Variants in CDH11 observed in about 807,000 individuals in gnomAD.
The protein encoded by CDH11 is cadherin-11.
In CDH11, 11 loss-of-function variants were observed where a neutral mutation model predicts 67.8. That is an observed-to-expected ratio of 0.16 (90% CI 0.10 to 0.27). The LOEUF is 0.27. CDH11 is among the 10% of genes least tolerant of loss of function. The pLI is 1.00. For missense variants in CDH11, 847 were observed against 1,031.2 expected, an observed-to-expected ratio of 0.82 and a Z score of 2.45; for synonymous variants, 419 against 400.0, an observed-to-expected ratio of 1.05 and a Z score of -0.57.
At chr16:65,120,395 A>G (rs887394072) in intron 1 of CDH11, among the ~76,000 whole-genome samples, 2 of 152,194 alleles carry the variant, frequency 1.3e-5, no homozygotes, top group Non-Finnish European at 2.9e-5. Flanking sequence ...TCCGTCCTCT[A>G]GCCAGATTAA....
At chr16:65,030,504 G>A (rs1252015714) in intron 2 of CDH11, among the ~76,000 whole-genome samples, 3 of 152,136 alleles carry the variant, frequency 2.0e-5, no homozygotes, top group Non-Finnish European at 4.4e-5. Context: ...GTGCCCATGC[G>A]TAGTCCTCAC....
chr16:64,977,082 C>G lies in CDH11; in HGVS notation c.1254-4042G>C, dbSNP rs987210688. ...GGCACAGTGGCATGCACCTGCAGTC[C>G]CAGTTACTTGGGAGGCTGATGTGGG... is the stretch of plus-strand genomic sequence containing the variant. On this transcript the variant is annotated intron_variant, in intron 8 of 12. Coordinates refer to ENST00000268603, the MANE Select transcript of CDH11 (RefSeq NM_001797.4). Among the ~76,000 whole-genome samples, 34 of 151,964 alleles carry G rather than the reference C, an allele frequency of 2.2e-4. 1 individual carries two copies. Among genetic ancestry groups the G allele is most frequent in the African/African-American group, 8.0e-4 (33 of 41,352 alleles).
chr16:65,033,663 G>A (rs1477673032), intron 2 of CDH11, among the ~76,000 whole-genome samples: 5 of 149,884 alleles, frequency 3.3e-5, no homozygotes, highest in Admixed American at 3.3e-4. Context: ...CTTGAAACCG[G>A]GAGGTGGAGG....
At position 64,945,769 on chromosome 16, in the gene CDH11, A is replaced by G. The variant is rs1343414729; in HGVS notation, c.*1834T>C. The G allele has an allele frequency of 8.6e-6, 9 of 1,043,476 alleles. No individual in the cohort carries two copies. Among genetic ancestry groups the G allele is most frequent in the Non-Finnish European group, 1.0e-5 (9 of 865,420 alleles). 64.6% of individuals were successfully genotyped at this position (1,043,476 alleles called of 1,614,324 possible). On this transcript the variant is annotated 3_prime_UTR_variant, in exon 13 of 13. Transcript: ENST00000268603. ...TCATAAAAAACATTTCTTTGTATGC[A>G]TGTTGACTAAATCATAAAAATAGTA...
intron 1 of CDH11, among the ~76,000 whole-genome samples, chr16:65,115,962 G>GA (rs959808999): frequency 1.3e-5 from 2 of 151,950 alleles, no homozygotes; most frequent in Admixed American, 6.6e-5. Flanking sequence ...GATTAGTGGG[G>GA]AAAAAATCTA....
In CDH11 at chr16:64,950,833, T is replaced by C; in HGVS notation, c.1828A>G (p.Ile610Val). 1 of 1,614,170 alleles carries C rather than the reference T, an allele frequency of 6.2e-7. No individual in the cohort carries two copies. Among genetic ancestry groups the C allele is most frequent in the Non-Finnish European group, 8.5e-7 (1 of 1,180,024 alleles). Residue 610 changes from isoleucine to valine, a missense_variant, in exon 12 of 13, where the codon ATT becomes GTT. Ile to Val is a conservative substitution (Grantham distance 29). Around this residue, in one of 2 missense-constraint regions of CDH11, gnomAD observed 612 missense variants for 678.7 expected, o/e 0.90. Coordinates refer to ENST00000268603, the MANE Select transcript of CDH11 (RefSeq NM_001797.4). ...CCTGTGCTCAGGCCGGCGTTCAGAA[T>C]GTAGGCCTCTGCGTTGCAGGAGAGC... is the stretch of plus-strand genomic sequence containing the variant. ...ALLSCNAEAY[I>V]LNAGLSTGAL... is the part of the protein sequence containing the mutation.
intron 1 of CDH11, among the ~76,000 whole-genome samples, chr16:65,109,465 T>G (rs530294535): frequency 6.6e-6 from 1 of 152,326 alleles, no homozygotes; most frequent in Non-Finnish European, 1.5e-5. Context: ...CCCAACTGTA[T>G]GCACTGACAA....
intron 1 of CDH11, among the ~76,000 whole-genome samples, chr16:65,117,209 G>C (rs2075258547): frequency 6.6e-6 from 1 of 152,138 alleles, no homozygotes; most frequent in Non-Finnish European, 1.5e-5. Context: ...TTCATCAACT[G>C]TCTACGCATT....
intron 1 of CDH11, among the ~76,000 whole-genome samples, chr16:65,081,460 G>T (rs945690703): frequency 1.3e-5 from 2 of 151,774 alleles, no homozygotes; most frequent in Non-Finnish European, 2.9e-5. Flanking sequence ...TCCCAGCTAC[G>T]CGGGAGGCTG....
chr16:64,984,227 G>C (rs2072427302), intron 7 of CDH11, among the ~76,000 whole-genome samples: 1 of 152,202 alleles, frequency 6.6e-6, no homozygotes, highest in Non-Finnish European at 1.5e-5. Context: ...TCCCCAGCGA[G>C]GTGGGGGTTG....
intron 6 of CDH11, among the ~76,000 whole-genome samples, chr16:64,989,592 T>C (rs889901212): frequency 2.0e-5 from 3 of 151,526 alleles, no homozygotes. Flanking sequence ...AGGAGGAGAG[T>C]GACTACAGCC....
chr16:64,984,131 C>T (rs1265909646), intron 7 of CDH11, among the ~76,000 whole-genome samples: 1 of 152,158 alleles, frequency 6.6e-6, no homozygotes, highest in East Asian at 1.9e-4. Flanking sequence ...TCAGTTCAAG[C>T]CTCATTGCCT....
chr16:64,992,049 G>T lies in CDH11; in HGVS notation c.644-114C>A, dbSNP rs534314711. On this transcript the variant is annotated intron_variant, in intron 5 of 12. Coordinates refer to ENST00000268603, the MANE Select transcript of CDH11 (RefSeq NM_001797.4). Reference sequence around the variant, plus strand: ...ATAAAATATCCCATGCCCTCAGCAAGAATCATTTCAACATGGTAATTACAA... The same window carrying T: ...ATAAAATATCCCATGCCCTCAGCAATAATCATTTCAACATGGTAATTACAA... The T allele has an allele frequency of 3.1e-4, 207 of 666,148 alleles. 1 individual carries two copies. The Middle Eastern group carries it at 4.6e-3, about 15-fold the overall frequency. 41.3% of individuals were successfully genotyped at this position (666,148 alleles called of 1,614,324 possible).
Position 64,993,137 on chromosome 16 carries a change from C to T in CDH11, c.524-103G>A. Reference sequence around the variant, plus strand: ...AAAATTAACCCTGAAGAAGGCACCACAATTATTCAACATTCTCTCATTTTC... The same window carrying T: ...AAAATTAACCCTGAAGAAGGCACCATAATTATTCAACATTCTCTCATTTTC... On this transcript the variant is annotated intron_variant, in intron 4 of 12. Transcript: ENST00000268603. The T allele has an allele frequency of 3.3e-6, 3 of 914,404 alleles. No individual in the cohort carries two copies. In the East Asian group the frequency reaches 7.5e-5, roughly 23 times the overall value. 56.6% of individuals were successfully genotyped at this position (914,404 alleles called of 1,614,324 possible).
At chr16:65,088,212 C>T (rs2074734708) in intron 1 of CDH11, among the ~76,000 whole-genome samples, 2 of 152,222 alleles carry the variant, frequency 1.3e-5, no homozygotes, top group South Asian at 4.2e-4. Flanking sequence ...CACCAGACAC[C>T]GAATCAGCTG....
chr16:64,950,713 G>A, intron 12 of CDH11, 54 bp downstream of exon 12: 1 of 1,589,798 alleles, frequency 6.3e-7, no homozygotes, highest in Non-Finnish European at 8.6e-7. Context: ...GTGTTTCAAG[G>A]AGGGGCATCC....
intron 2 of CDH11, among the ~76,000 whole-genome samples, chr16:65,052,887 G>A (rs753873951): frequency 2.0e-5 from 3 of 152,140 alleles, no homozygotes; most frequent in Admixed American, 6.5e-5. Flanking sequence ...GAATGAATAG[G>A]AATCAAGAGG....
At chr16:64,950,635 C>A (rs1379954005) in intron 12 of CDH11, 132 bp downstream of exon 12, 5 of 1,097,818 alleles carry the variant, frequency 4.6e-6, no homozygotes, top group Admixed American at 2.8e-5. Context: ...CCGTACCCCA[C>A]TTCTTTTCTT....
chr16:65,033,769 G>T (rs372575804), intron 2 of CDH11, among the ~76,000 whole-genome samples: 1 of 25,748 alleles, frequency 3.9e-5, no homozygotes, highest in Non-Finnish European at 1.1e-4. Context: ...AAATAAAATA[G>T]TTTAGCACCA....
Sources: gnomAD v4.1 joint callset for allele counts (sites outside exome capture counted in the v4.1 genomes callset) on GRCh38, gnomAD v4.1.1 for gene constraint, gnomAD v4.1.1 regional missense constraint, MANE v1.5 for transcripts, NCBI Gene and HGNC (gene_info 2026-07-23, HGNC 2026-07-21) for gene names.